ELMO1: variants seen among roughly 807,000 people sequenced by gnomAD.
The protein encoded by ELMO1 is engulfment and cell motility protein 1.
Under a neutral mutation model 98.9 loss-of-function variants are expected in ELMO1, and 26 were observed. The ratio of observed to expected loss-of-function variants is 0.26; its 90% CI spans 0.19 to 0.36. ELMO1 has a LOEUF of 0.36. Among genes scored for constraint, ELMO1 ranks in the 10% least tolerant of loss-of-function variants. The pLI is 1.00. For synonymous variants in ELMO1, 346 were observed against 346.0 expected, an observed-to-expected ratio of 1.00 and a Z score of 0.00; for missense variants, 627 against 935.2, an observed-to-expected ratio of 0.67 and a Z score of 4.30.
intron 20 of ELMO1, among the ~76,000 whole-genome samples, chr7:36,866,629 T>G (rs758236111): frequency 6.6e-6 from 1 of 152,218 alleles, no homozygotes; most frequent in Non-Finnish European, 1.5e-5. Context: ...ACAAAGTATC[T>G]CTTTTACAGA....
At chr7:36,918,732 G>T (rs920535667) in intron 16 of ELMO1, among the ~76,000 whole-genome samples, 1 of 152,170 alleles carries the variant, frequency 6.6e-6, no homozygotes, top group African/African-American at 2.4e-5. Context: ...GCTAAATAAA[G>T]CGTCACCAAA....
intron 4 of ELMO1, among the ~76,000 whole-genome samples, chr7:37,290,090 T>A (rs1160344903): frequency 6.6e-6 from 1 of 152,198 alleles, no homozygotes; most frequent in Non-Finnish European, 1.5e-5. Flanking sequence ...CCAAAGATAA[T>A]GACCAGAAAA....
At chr7:37,260,146 G>A (rs1193080962) in intron 5 of ELMO1, among the ~76,000 whole-genome samples, 1 of 152,114 alleles carries the variant, frequency 6.6e-6, no homozygotes, top group Non-Finnish European at 1.5e-5. Context: ...CTTGAGGCAG[G>A]CAGTAAGAAA....
chr7:36,973,520 T>G (rs1032035561), intron 16 of ELMO1, among the ~76,000 whole-genome samples: 7 of 152,084 alleles, frequency 4.6e-5, no homozygotes, highest in Non-Finnish European at 8.8e-5. Flanking sequence ...AGGATGGTCT[T>G]GAACTATGGA....
intron 15 of ELMO1, among the ~76,000 whole-genome samples, chr7:37,031,471 C>T (rs1452109151): frequency 3.3e-5 from 5 of 152,082 alleles, no homozygotes; most frequent in African/African-American, 1.2e-4. Flanking sequence ...CCTTAATCAC[C>T]CTTCCTCATC....
chr7:37,060,558 C>T (rs1584582069), intron 15 of ELMO1, among the ~76,000 whole-genome samples: 1 of 152,162 alleles, frequency 6.6e-6, no homozygotes, highest in East Asian at 1.9e-4. Context: ...GATACTATGC[C>T]AACTGGGTGA....
In ELMO1 at chr7:37,417,530, G is replaced by C. The variant is rs1350701684; in HGVS notation, c.-74+31145C>G. Reference sequence around the variant, plus strand: ...AAAAACAAAATTAGCTGGGCATGGTGGTGGGCGCTTGTAGTCCCAGCTACT... The same window carrying C: ...AAAAACAAAATTAGCTGGGCATGGTCGTGGGCGCTTGTAGTCCCAGCTACT... On this transcript the variant is annotated intron_variant, in intron 1 of 21. Coordinates refer to ENST00000310758, the MANE Select transcript of ELMO1 (RefSeq NM_014800.11). Among the ~76,000 whole-genome samples, 3 of 152,280 alleles carry C rather than the reference G, an allele frequency of 2.0e-5. No homozygotes were observed. The East Asian group carries it at 5.8e-4, about 29-fold the overall frequency.
chr7:37,027,275 T>C (rs1470508760), intron 15 of ELMO1, among the ~76,000 whole-genome samples: 1 of 152,066 alleles, frequency 6.6e-6, no homozygotes, highest in Admixed American at 6.6e-5. Flanking sequence ...TCTGATTACG[T>C]TTTTAAAATA....
intron 15 of ELMO1, among the ~76,000 whole-genome samples, chr7:37,070,152 T>C (rs1324920943): frequency 6.6e-6 from 1 of 152,170 alleles, no homozygotes; most frequent in Non-Finnish European, 1.5e-5. Context: ...GGTAAGGAGA[T>C]AGCAATCAAA....
intron 6 of ELMO1, among the ~76,000 whole-genome samples, chr7:37,248,114 C>T (rs977702890): frequency 6.6e-6 from 1 of 151,256 alleles, no homozygotes; most frequent in Non-Finnish European, 1.5e-5. Context: ...TTTGCATCCT[C>T]ACTTTGGCTT....
At chr7:36,994,436 T>C (rs898371372) in intron 16 of ELMO1, among the ~76,000 whole-genome samples, 1 of 152,254 alleles carries the variant, frequency 6.6e-6, no homozygotes, top group Non-Finnish European at 1.5e-5. Context: ...ATACCATCTC[T>C]AGATGTATCT....
At chr7:37,199,093 T>G (rs891077486) in intron 13 of ELMO1, among the ~76,000 whole-genome samples, 1 of 152,116 alleles carries the variant, frequency 6.6e-6, no homozygotes, top group Non-Finnish European at 1.5e-5. Context: ...CAAATGTCCC[T>G]CCTAAGGCAC....
At chr7:37,200,904 C>G (rs973718902) in intron 13 of ELMO1, among the ~76,000 whole-genome samples, 2 of 150,896 alleles carry the variant, frequency 1.3e-5, no homozygotes, top group Non-Finnish European at 2.9e-5. Flanking sequence ...GATCGCACCA[C>G]TGCACTCCAG....
chr7:36,927,327 T>A (rs1272698299), intron 16 of ELMO1, among the ~76,000 whole-genome samples: 1 of 152,226 alleles, frequency 6.6e-6, no homozygotes, highest in East Asian at 1.9e-4. Flanking sequence ...ACTGGAGATT[T>A]AGAAACAACT....
intron 1 of ELMO1, among the ~76,000 whole-genome samples, chr7:37,350,200 C>T (rs2700986): frequency 0.19 from 28,382 of 152,190 alleles, 2,697 homozygotes; most frequent in Middle Eastern, 0.26. Context: ...CAGAACAGAA[C>T]ATGCAAGCAC....
chr7:37,234,827 C>T (rs529046245), intron 7 of ELMO1, among the ~76,000 whole-genome samples: 1 of 152,244 alleles, frequency 6.6e-6, no homozygotes, highest in East Asian at 1.9e-4. Flanking sequence ...TCTCACTATG[C>T]AAAAGTGAGA....
At chr7:37,290,310 G>A (rs1373838651) in intron 4 of ELMO1, among the ~76,000 whole-genome samples, 1 of 152,078 alleles carries the variant, frequency 6.6e-6, no homozygotes, top group African/African-American at 2.4e-5. Context: ...AAAAGGAAAG[G>A]CTCTCAGAAA....
rs115178049 is a variant in ELMO1 at position 36,916,326 on chromosome 7, A to C, written c.1438-21309T>G. ...ACCCAAGCCGGTGATAATCCCTGCC[A>C]CACTCCTGAGATGCAGCCTTTCAGT... On this transcript the variant is annotated intron_variant, in intron 16 of 21. Coordinates refer to ENST00000310758, the MANE Select transcript of ELMO1 (RefSeq NM_014800.11). 6.7e-3 allele frequency among the ~76,000 whole-genome samples: 1,026 copies of C among 152,336 alleles called. 9 individuals are homozygous for C. Among genetic ancestry groups the C allele is most frequent in the African/African-American group, 0.023 (970 of 41,568 alleles).
In ELMO1 at chr7:37,183,202, A is replaced by G. The variant is rs56969825; in HGVS notation, c.1086+28184T>C. Among the ~76,000 whole-genome samples the G allele has an allele frequency of 0.016, 1,750 of 106,512 alleles. 93 individuals are homozygous for G. In the East Asian group the frequency reaches 0.17, roughly 10 times the overall value. 69.9% of individuals were successfully genotyped at this position (106,512 alleles called of 152,430 possible). ...GGAGGACGATCTGGCACAGAAGGAG[A>G]AGGAGGAAGGAGGAGGAAGAACAGG... On this transcript the variant is annotated intron_variant, in intron 13 of 21. Coordinates refer to ENST00000310758, the MANE Select transcript of ELMO1 (RefSeq NM_014800.11).
Sources: gnomAD v4.1 joint callset for allele counts (sites outside exome capture counted in the v4.1 genomes callset) on GRCh38, gnomAD v4.1.1 for gene constraint, MANE v1.5 for transcripts, NCBI Gene and HGNC (gene_info 2026-07-23, HGNC 2026-07-21) for gene names.